The following VPS36 variants were observed in gnomAD, a reference collection of about 807,000 sequenced individuals.
VPS36 encodes vacuolar protein-sorting-associated protein 36.
Under a neutral mutation model 63.5 loss-of-function variants are expected in VPS36, and 31 were observed. That is an observed-to-expected ratio of 0.49 (90% CI 0.37 to 0.66). VPS36 has a LOEUF of 0.66. Among genes scored for constraint, VPS36 ranks in the 30% least tolerant of loss-of-function variants. The pLI, the probability that VPS36 is intolerant of heterozygous loss-of-function variation, is 0.00. For missense variants in VPS36, 338 were observed against 463.7 expected (o/e 0.73, Z 2.49); for synonymous variants, 138 against 157.2 (o/e 0.88, Z 0.91).
chr13:52,445,523 C>T (rs1472846745), intron 1 of VPS36, among the ~76,000 whole-genome samples: 3 of 148,118 alleles, frequency 2.0e-5, no homozygotes, highest in Non-Finnish European at 4.5e-5. Flanking sequence ...CCTGTAGTCC[C>T]AGCTATTCCG....
chr13:52,417,055 A>G lies in VPS36; in HGVS notation c.990+2T>C. 1 of 1,613,336 alleles carries G rather than the reference A, an allele frequency of 6.2e-7. No individual in the cohort carries two copies. Among genetic ancestry groups the G allele is most frequent in the Non-Finnish European group, 8.5e-7 (1 of 1,179,518 alleles). On this transcript the variant is annotated splice_donor_variant, in intron 12 of 13. Transcript: ENST00000378060. LOFTEE classifies it high-confidence loss of function. ...AGACTGGAGAAAATCGGCTTCACAT[A>G]CTGTCTCCAGGGCCGAGGCCACCAT... is the stretch of plus-strand genomic sequence containing the variant.
intron 6 of VPS36, among the ~76,000 whole-genome samples, chr13:52,431,779 A>G (rs7321936): frequency 0.064 from 9,469 of 148,104 alleles, 364 homozygotes; most frequent in Admixed American, 0.1. Flanking sequence ...AAAAAAAAAA[A>G]AAAGAAAGAA....
At position 52,450,486 on chromosome 13, in the gene VPS36, G is replaced by A. The variant is rs1334466834; in HGVS notation, c.96+13C>T. ...TTCCGCCAGCCCGTTGGGAAGGTTG[G>A]CAGACGCCCTACCTTCTCCTCGCCA... On this transcript the variant is annotated intron_variant, in intron 1 of 13. Coordinates refer to ENST00000378060, the MANE Select transcript of VPS36 (RefSeq NM_016075.4). The A allele has an allele frequency of 3.8e-6, 6 of 1,585,796 alleles. No homozygotes were observed. The highest frequency in any genetic ancestry group is 1.4e-5 in the African/African-American group (1 of 71,796).
At position 52,414,125 on chromosome 13, in the gene VPS36, G is replaced by C. The variant is rs749340994; in HGVS notation, c.*1705C>G. 6.6e-6 allele frequency: 1 copy of C among 152,194 alleles called. No individual in the cohort carries two copies. The highest frequency in any genetic ancestry group is 1.5e-5 in the Non-Finnish European group (1 of 68,046). 9.4% of individuals were successfully genotyped at this position (152,194 alleles called of 1,614,324 possible). A position where few individuals can be genotyped will look rare whatever the true frequency, so the allele number is the denominator to read the frequency against. ...TCTTCCTTGCAACTCACTCCAGCTG[G>C]TGAAACAGATTATTTATCTTCATAA... On this transcript the variant is annotated 3_prime_UTR_variant, in exon 14 of 14. Coordinates refer to ENST00000378060, the MANE Select transcript of VPS36 (RefSeq NM_016075.4).
At chr13:52,431,762 CAAAAAAAAAAAAAA>C (rs60968712) in intron 6 of VPS36, among the ~76,000 whole-genome samples, 3 of 68,088 alleles carry the variant, frequency 4.4e-5, no homozygotes, top group African/African-American at 1.5e-4. Flanking sequence ...GACTCTGTCT[CAAAAAAAAAAAAAA>C]AAAAAAGAAA....
chr13:52,417,173 G>A lies in VPS36; in HGVS notation c.906-32C>T, dbSNP rs371781015. ...ACCACAGGTGCGAGAACAAAGCCAG[G>A]AATTATCTAGGATATTCAACTGCTG... On this transcript the variant is annotated intron_variant, in intron 11 of 13. Coordinates refer to ENST00000378060, the MANE Select transcript of VPS36 (RefSeq NM_016075.4). The A allele has an allele frequency of 3.1e-6, 5 of 1,590,198 alleles. No individual in the cohort carries two copies. In the African/African-American group the frequency reaches 4.0e-5, roughly 13 times the overall value.
chr13:52,449,805 A>G (rs551285595), intron 1 of VPS36: 5 of 497,296 alleles, frequency 1.0e-5, no homozygotes, highest in African/African-American at 8.4e-5. Flanking sequence ...CTTGCACTAC[A>G]AGGCACGGTC....
chr13:52,426,183 T>G, intron 8 of VPS36, 117 bp from the exon 9 acceptor site: 1 of 1,303,850 alleles, frequency 7.7e-7, no homozygotes, highest in Non-Finnish European at 1.0e-6. Context: ...CCTTCTACTG[T>G]GTTTCTATGC....
At chr13:52,445,939 C>CAAAAAA (rs34529458) in intron 1 of VPS36, among the ~76,000 whole-genome samples, 4 of 15,366 alleles carry the variant, frequency 2.6e-4, no homozygotes, top group Non-Finnish European at 3.1e-4. Context: ...GACTCTATCT[C>CAAAAAA]AAAAAAAAAA....
At chr13:52,450,472 C>T (rs1433775100) in intron 1 of VPS36, 27 bp downstream of exon 1, 3 of 1,579,772 alleles carry the variant, frequency 1.9e-6, no homozygotes, top group East Asian at 2.4e-5. Context: ...TCCGCCAGCC[C>T]GTTGGGAAGG....
intron 3 of VPS36, 67 bp downstream of exon 3, chr13:52,439,031 C>T: frequency 7.0e-7 from 1 of 1,431,808 alleles, no homozygotes; most frequent in Non-Finnish European, 9.7e-7. Context: ...TAAGATAGGA[C>T]CTCTTGGCCA....
At chr13:52,441,126 G>A (rs1955896808) in intron 2 of VPS36, among the ~76,000 whole-genome samples, 1 of 152,108 alleles carries the variant, frequency 6.6e-6, no homozygotes, top group African/African-American at 2.4e-5. Context: ...ACCAGTACTG[G>A]GGGTTGGGGG....
At chr13:52,449,933 C>T in intron 1 of VPS36, 4 of 985,556 alleles carry the variant, frequency 4.1e-6, no homozygotes, top group Non-Finnish European at 4.8e-6. Context: ...ACTGATACCT[C>T]TTTAGGAAAT....
At chr13:52,425,373 G>C (rs1176385220) in intron 9 of VPS36, among the ~76,000 whole-genome samples, 6 of 152,032 alleles carry the variant, frequency 3.9e-5, no homozygotes, top group Non-Finnish European at 5.9e-5. Context: ...TTTATCATTA[G>C]AGTTACATAA....
intron 6 of VPS36, among the ~76,000 whole-genome samples, chr13:52,427,441 T>C (rs1226617917): frequency 1.3e-5 from 2 of 151,864 alleles, no homozygotes; most frequent in African/African-American, 4.8e-5. Flanking sequence ...CCGTCTCTAC[T>C]AAAAATACAA....
At chr13:52,430,779 G>A (rs896146871) in intron 6 of VPS36, among the ~76,000 whole-genome samples, 1 of 151,874 alleles carries the variant, frequency 6.6e-6, no homozygotes, top group Non-Finnish European at 1.5e-5. Flanking sequence ...AAATTACTGG[G>A]CTTTAAAGTA....
At chr13:52,425,832 T>A in intron 9 of VPS36, 100 bp downstream of exon 9, 1 of 1,255,354 alleles carries the variant, frequency 8.0e-7, no homozygotes, top group Non-Finnish European at 1.1e-6. Context: ...CAGTTGACAA[T>A]AACCATATCA....
intron 12 of VPS36, among the ~76,000 whole-genome samples, chr13:52,416,779 A>G (rs1467346836): frequency 1.3e-5 from 2 of 152,226 alleles, no homozygotes; most frequent in Non-Finnish European, 2.9e-5. Context: ...ACCTGTTCTC[A>G]ATACTGAGCT....
intron 10 of VPS36, among the ~76,000 whole-genome samples, chr13:52,422,052 T>C (rs2137776637): frequency 6.6e-6 from 1 of 152,204 alleles, no homozygotes; most frequent in Admixed American, 6.5e-5. Context: ...CTATTGAACA[T>C]TCGAATTTAT....
Sources: gnomAD v4.1 joint callset for allele counts (sites outside exome capture counted in the v4.1 genomes callset) on GRCh38, gnomAD v4.1.1 for gene constraint, MANE v1.5 for transcripts, NCBI Gene and HGNC (gene_info 2026-07-23, HGNC 2026-07-21) for gene names.